Variants in ZNF366 observed in about 807,000 individuals in gnomAD.
The protein encoded by ZNF366 is zinc finger protein 366.
A neutral mutation model predicts 47.2 loss-of-function variants in ZNF366; 20 were observed. That is an observed-to-expected ratio of 0.42 (90% CI 0.30 to 0.62). The LOEUF (loss-of-function observed/expected upper bound fraction) is 0.62, where lower values mean the gene tolerates loss of function less well. ZNF366 is among the 20% of genes least tolerant of loss of function. The pLI is 0.16. For synonymous variants in ZNF366, 421 were observed against 395.1 expected (o/e 1.07, Z -0.78); for missense variants, 987 against 976.3 (o/e 1.01, Z -0.15).
chr5:72,490,064 G>A (rs1000751351), intron 1 of ZNF366, among the ~76,000 whole-genome samples: 2 of 152,220 alleles, frequency 1.3e-5, no homozygotes, highest in Non-Finnish European at 2.9e-5. Flanking sequence ...GTTAGAGCTT[G>A]AGCTTGAGCT....
intron 1 of ZNF366, among the ~76,000 whole-genome samples, chr5:72,462,570 G>A (rs1186746365): frequency 1.5e-4 from 5 of 34,384 alleles, no homozygotes; most frequent in African/African-American, 9.9e-4. Context: ...TTTGGAGATG[G>A]AGTCTGGCTC....
chr5:72,490,242 C>G (rs1416161449), intron 1 of ZNF366, among the ~76,000 whole-genome samples: 2 of 152,088 alleles, frequency 1.3e-5, no homozygotes, highest in Non-Finnish European at 2.9e-5. Flanking sequence ...AACATAATAC[C>G]TTTTTGGAGT....
At chr5:72,501,908 T>G (rs530097635) in intron 1 of ZNF366, among the ~76,000 whole-genome samples, 79 of 152,330 alleles carry the variant, frequency 5.2e-4, no homozygotes, top group South Asian at 1.0e-3. Flanking sequence ...GACGACATTT[T>G]AATACACATG....
At position 72,448,787 on chromosome 5, in the gene ZNF366, G is replaced by C. The variant is rs528093190; in HGVS notation, c.1525-1370C>G. 1.3e-5 allele frequency among the ~76,000 whole-genome samples: 2 copies of C among 152,066 alleles called. 1 individual carries two copies. The highest frequency in any genetic ancestry group is 4.2e-4 in the South Asian group (2 of 4,812). On this transcript the variant is annotated intron_variant, in intron 3 of 4. Transcript: ENST00000318442. ...GTTGGCTATGGGAGATGAGTGTTGA[G>C]CTCGTCTTGAAAGAGTAGATAGACC...
At chr5:72,472,497 TG>T in intron 1 of ZNF366, 1 of 975,536 alleles carries the variant, frequency 1.0e-6, no homozygotes, top group Non-Finnish European at 1.2e-6. Flanking sequence ...CAGTGGGTTC[TG>T]TAGAACAGAG....
chr5:72,447,575 A>G (rs1742985917), intron 3 of ZNF366, among the ~76,000 whole-genome samples, 158 bp from the exon 4 acceptor site: 1 of 152,222 alleles, frequency 6.6e-6, no homozygotes, highest in African/African-American at 2.4e-5. Flanking sequence ...GGAGCCTCAG[A>G]GGTGGAGCAA....
intron 1 of ZNF366, among the ~76,000 whole-genome samples, chr5:72,477,967 G>A (rs1236914427): frequency 6.6e-6 from 1 of 152,072 alleles, no homozygotes; most frequent in Admixed American, 6.6e-5. Context: ...GCAAACAGTT[G>A]TTGAGCCCAC....
intron 3 of ZNF366, among the ~76,000 whole-genome samples, chr5:72,448,916 T>G (rs1204934676): frequency 6.6e-6 from 1 of 152,136 alleles, no homozygotes; most frequent in Non-Finnish European, 1.5e-5. Context: ...GTTTGAGAAT[T>G]GTAAGTACTT....
At position 72,460,575 on chromosome 5, in the gene ZNF366, GC is replaced by G; in HGVS notation, c.921del (p.His309ThrfsTer16). 1 of 1,614,114 alleles carries G rather than the reference GC, an allele frequency of 6.2e-7. No homozygotes were observed. Among genetic ancestry groups the G allele is most frequent in the Admixed American group, 1.7e-5 (1 of 60,034 alleles). The part of the protein sequence containing the change: ...HTHMLTHQGT[R>X]PHKCQVCHKA... Reference sequence around the variant, plus strand: ...TTGTGGCACACCTGGCACTTGTGGGGCCGCGTGCCCTGGTGGGTCAGCATGT... The same window carrying G: ...TTGTGGCACACCTGGCACTTGTGGGGCGCGTGCCCTGGTGGGTCAGCATGT... On this transcript the variant is annotated frameshift_variant, in exon 2 of 5. Coordinates refer to ENST00000318442, the MANE Select transcript of ZNF366 (RefSeq NM_152625.3). LOFTEE classifies it high-confidence loss of function.
chr5:72,476,325 C>T (rs1051047839), intron 1 of ZNF366, among the ~76,000 whole-genome samples: 5 of 152,090 alleles, frequency 3.3e-5, no homozygotes, highest in African/African-American at 9.7e-5. Context: ...GGGAGTCAGG[C>T]ATCGATGTTT....
At chr5:72,485,279 C>G (rs1292998647) in intron 1 of ZNF366, among the ~76,000 whole-genome samples, 2 of 152,190 alleles carry the variant, frequency 1.3e-5, no homozygotes, top group African/African-American at 4.8e-5. Flanking sequence ...TCCATGAGGT[C>G]AGGGATCCTG....
chr5:72,494,728 G>C (rs997458495), intron 1 of ZNF366, among the ~76,000 whole-genome samples: 1 of 151,760 alleles, frequency 6.6e-6, no homozygotes, highest in African/African-American at 2.4e-5. Flanking sequence ...CACTGAGACT[G>C]AAGTTGGGAA....
intron 1 of ZNF366, among the ~76,000 whole-genome samples, chr5:72,504,470 G>C (rs546204393): frequency 8.4e-4 from 128 of 152,278 alleles, no homozygotes; most frequent in Admixed American, 3.0e-3. Flanking sequence ...CCTGCATTGA[G>C]CTGTGTTGAA....
chr5:72,447,501 A>C, intron 3 of ZNF366, 84 bp from the exon 4 acceptor site: 1 of 1,486,846 alleles, frequency 6.7e-7, no homozygotes, highest in Non-Finnish European at 9.2e-7. Context: ...TACCGTTTCT[A>C]CTTTGTTTGG....
At chr5:72,469,854 T>C (rs920181871) in intron 1 of ZNF366, among the ~76,000 whole-genome samples, 5 of 152,088 alleles carry the variant, frequency 3.3e-5, no homozygotes, top group Non-Finnish European at 7.4e-5. Flanking sequence ...GAGATCACTG[T>C]CTCTGCAAAC....
intron 1 of ZNF366, among the ~76,000 whole-genome samples, chr5:72,462,221 A>C: frequency 6.6e-6 from 1 of 152,236 alleles, no homozygotes; most frequent in East Asian, 1.9e-4. Flanking sequence ...CATATTGAGT[A>C]GCTCAATGTT....
At chr5:72,445,502 A>G (rs1467356738) in intron 4 of ZNF366, among the ~76,000 whole-genome samples, 2 of 152,216 alleles carry the variant, frequency 1.3e-5, no homozygotes, top group Admixed American at 6.5e-5. Flanking sequence ...GAGCCATTTC[A>G]AAAGCTAGAG....
chr5:72,471,758 C>CA (rs1270533257), intron 1 of ZNF366, among the ~76,000 whole-genome samples: 1 of 152,172 alleles, frequency 6.6e-6, no homozygotes, highest in Non-Finnish European at 1.5e-5. Context: ...AACACTCAGA[C>CA]AAAATTAGAC....
intron 1 of ZNF366, among the ~76,000 whole-genome samples, chr5:72,487,593 C>T (rs932432471): frequency 6.6e-6 from 1 of 152,124 alleles, no homozygotes; most frequent in African/African-American, 2.4e-5. Flanking sequence ...CTGGGATACT[C>T]TAGCTGCCAA....
Sources: allele counts gnomAD v4.1 joint callset (sites outside exome capture counted in the v4.1 genomes callset), GRCh38; gene constraint gnomAD v4.1.1; transcripts MANE v1.5; gene names NCBI Gene and HGNC (gene_info 2026-07-23, HGNC 2026-07-21).